The following IPO8 variants were observed in gnomAD, a reference collection of about 807,000 sequenced individuals.
IPO8 encodes importin 8, also known as importin-8.
IPO8 carries 65 observed loss-of-function variants against 141.2 expected under a neutral mutation model. The ratio of observed to expected loss-of-function variants is 0.46; its 90% CI spans 0.38 to 0.57. The LOEUF (loss-of-function observed/expected upper bound fraction) is 0.57. IPO8 is among the 20% of genes least tolerant of loss of function. The pLI is 0.00. For missense variants in IPO8, 980 were observed against 1,246.8 expected, an observed-to-expected ratio of 0.79 and a Z score of 3.22; for synonymous variants, 411 against 420.3, an observed-to-expected ratio of 0.98 and a Z score of 0.27.
Position 30,665,670 on chromosome 12 carries a change from C to T in IPO8, c.1338+59G>A, listed in dbSNP as rs998230154. ...TTAAATTAGCCATAACTTTCATATT[C>T]TCTCATTTGCCTGTACTTTACAATG... is the stretch of plus-strand genomic sequence containing the variant. On this transcript the variant is annotated intron_variant, in intron 12 of 24. Coordinates refer to ENST00000256079, the MANE Select transcript of IPO8 (RefSeq NM_006390.4). 3.8e-6 allele frequency: 4 copies of T among 1,062,844 alleles called. No individual in the cohort carries two copies. In the East Asian group the frequency reaches 7.2e-5, roughly 19 times the overall value. 65.8% of individuals were successfully genotyped at this position (1,062,844 alleles called of 1,614,324 possible). A position where few individuals can be genotyped will look rare whatever the true frequency, so the allele number is the denominator to read the frequency against.
intron 23 of IPO8, 91 bp downstream of exon 23, chr12:30,633,992 G>T: frequency 1.7e-6 from 2 of 1,196,988 alleles, no homozygotes; most frequent in East Asian, 2.5e-5. Context: ...AAAGAACCTA[G>T]ACCAATCTTG....
chr12:30,667,265 C>T (rs577881918), intron 10 of IPO8, among the ~76,000 whole-genome samples: 11 of 152,248 alleles, frequency 7.2e-5, no homozygotes, highest in African/African-American at 2.6e-4. Flanking sequence ...TATCATCACC[C>T]GTTTGACAGC....
chr12:30,646,908 C>G (rs974750143), intron 20 of IPO8, among the ~76,000 whole-genome samples: 4 of 152,130 alleles, frequency 2.6e-5, no homozygotes, highest in East Asian at 1.9e-4. Context: ...TCTACAGATT[C>G]AGCACAATGC....
chr12:30,684,369 G>A lies in IPO8; in HGVS notation c.255C>T (p.His85=), dbSNP rs765617513. 55 of 1,614,076 alleles carry A rather than the reference G, an allele frequency of 3.4e-5. No individual in the cohort carries two copies. Among genetic ancestry groups the A allele is most frequent in the East Asian group, 2.5e-4 (11 of 44,874 alleles). ...PGEAIFPFNI[H]ENDRQQIRDN... is the part of the protein sequence containing the mutation. ...CACGTATTTGCTGGCGATCGTTTTC[G>A]TGAATGTTGAATGGAAATATTGCTT... The change falls in exon 3 of 25, where the codon CAC becomes CAT. Residue 85 remains histidine, a synonymous_variant. Transcript: ENST00000256079.
At chr12:30,680,378 TA>T in intron 5 of IPO8, 103 bp downstream of exon 5, 1 of 840,156 alleles carries the variant, frequency 1.2e-6, no homozygotes, top group Non-Finnish European at 1.8e-6. Flanking sequence ...ATATATGGGA[TA>T]ATACAAAATA....
intron 16 of IPO8, among the ~76,000 whole-genome samples, chr12:30,659,169 C>T (rs1222663776): frequency 1.3e-5 from 2 of 152,058 alleles, no homozygotes; most frequent in East Asian, 1.9e-4. Flanking sequence ...CATGAGCCAC[C>T]GCGCCGGGCC....
In IPO8 at chr12:30,674,319, T is replaced by C. The variant is rs374221383; in HGVS notation, c.825-245A>G. ...ACCAAGAGCTCCTAAAGGGTGAATA[T>C]TGGAAATTAAAATGTTACAACTGAC... On this transcript the variant is annotated intron_variant, in intron 7 of 24. Coordinates refer to ENST00000256079, the MANE Select transcript of IPO8 (RefSeq NM_006390.4). Among the ~76,000 whole-genome samples the C allele has an allele frequency of 4.9e-4, 74 of 152,316 alleles. No homozygotes were observed. In the South Asian group the frequency reaches 0.014, roughly 29 times the overall value.
At chr12:30,641,258 T>C (rs1291256826) in intron 20 of IPO8, among the ~76,000 whole-genome samples, 1 of 152,118 alleles carries the variant, frequency 6.6e-6, no homozygotes, top group Non-Finnish European at 1.5e-5. Context: ...ACAGAGAAAA[T>C]GTATAGTATG....
intron 20 of IPO8, 60 bp from the exon 21 acceptor site, chr12:30,639,795 C>G (rs2052552980): frequency 1.7e-6 from 2 of 1,181,728 alleles, no homozygotes; most frequent in African/African-American, 3.0e-5. Context: ...TTTATAGAAG[C>G]TGAATATTGG....
intron 24 of IPO8, 86 bp from the exon 25 acceptor site, chr12:30,631,043 T>G: frequency 1.1e-6 from 1 of 880,500 alleles, no homozygotes; most frequent in South Asian, 1.5e-5. Context: ...GGAGCCAGAT[T>G]CTTTATATGC....
At chr12:30,672,266 T>C (rs2053061922) in intron 8 of IPO8, among the ~76,000 whole-genome samples, 1 of 152,184 alleles carries the variant, frequency 6.6e-6, no homozygotes, top group Non-Finnish European at 1.5e-5. Context: ...AAATTCAGAA[T>C]ATGGATTTTA....
intron 15 of IPO8, among the ~76,000 whole-genome samples, chr12:30,661,718 A>T (rs1399205316): frequency 1.3e-5 from 2 of 152,094 alleles, no homozygotes; most frequent in African/African-American, 4.8e-5. Context: ...AAACAGAAAA[A>T]AAAATAGTAA....
At chr12:30,680,322 T>C (rs1591843105) in intron 5 of IPO8, 160 bp downstream of exon 5, 1 of 547,946 alleles carries the variant, frequency 1.8e-6, no homozygotes, top group Non-Finnish European at 3.1e-6. Context: ...CGATCTTGGG[T>C]AATTAATTTC....
At chr12:30,637,225 A>T (rs2052515665) in intron 21 of IPO8, 38 bp from the exon 22 acceptor site, 1 of 1,453,088 alleles carries the variant, frequency 6.9e-7, no homozygotes, top group Non-Finnish European at 9.6e-7. Flanking sequence ...TAGACATGAG[A>T]AGTGGAATAA....
In IPO8 at chr12:30,629,394, C is replaced by T. The variant is rs932341299; in HGVS notation, c.*1466G>A. On this transcript the variant is annotated 3_prime_UTR_variant, in exon 25 of 25. Transcript: ENST00000256079. ...CAGAGGAAAGCAGGGGGTCACTGAA[C>T]TCCAAAACTCATGGTTTTCCAGGCT... 1 of 152,160 alleles carries T rather than the reference C, an allele frequency of 6.6e-6. No individual in the cohort carries two copies. The highest frequency in any genetic ancestry group is 2.4e-5 in the African/African-American group (1 of 41,438). The allele number at this position is 152,160 out of a possible 1,614,324, so 9.4% of individuals were successfully genotyped here. A position where few individuals can be genotyped will look rare whatever the true frequency, so the allele number is the denominator to read the frequency against.
chr12:30,684,244 C>T (rs1384002339), intron 3 of IPO8, 57 bp downstream of exon 3: 4 of 1,514,068 alleles, frequency 2.6e-6, no homozygotes, highest in East Asian at 2.3e-5. Context: ...CAGCACCCAC[C>T]CTCAGATCTA....
At chr12:30,657,849 A>G (rs1331095857) in intron 16 of IPO8, among the ~76,000 whole-genome samples, 1 of 152,136 alleles carries the variant, frequency 6.6e-6, no homozygotes, top group African/African-American at 2.4e-5. Flanking sequence ...ATACACATTC[A>G]CTTTTTGCTT....
At chr12:30,641,732 C>A (rs1469888061) in intron 20 of IPO8, among the ~76,000 whole-genome samples, 1 of 151,806 alleles carries the variant, frequency 6.6e-6, no homozygotes, top group Non-Finnish European at 1.5e-5. Context: ...CAGTAGTAAC[C>A]ATTTCTTGGT....
At chr12:30,681,009 G>A (rs1478220057) in intron 4 of IPO8, among the ~76,000 whole-genome samples, 1 of 152,018 alleles carries the variant, frequency 6.6e-6, no homozygotes, top group East Asian at 1.9e-4. Context: ...AATATGGGGG[G>A]AATTTTCTTA....
Sources: allele counts gnomAD v4.1 joint callset (sites outside exome capture counted in the v4.1 genomes callset), GRCh38; gene constraint gnomAD v4.1.1; transcripts MANE v1.5; gene names NCBI Gene and HGNC (gene_info 2026-07-23, HGNC 2026-07-21).